Variants in TNFAIP6 observed in about 807,000 individuals in gnomAD.
TNFAIP6 encodes TNF alpha induced protein 6.
A neutral mutation model predicts 33.7 loss-of-function variants in TNFAIP6; 36 were observed. The ratio of observed to expected loss-of-function variants is 1.07; its 90% confidence interval spans 0.82 to 1.41. The LOEUF (loss-of-function observed/expected upper bound fraction) is 1.41. TNFAIP6 is among the 40% of genes most tolerant of loss of function. The pLI is 0.00. For synonymous variants in TNFAIP6, 113 were observed against 112.8 expected (o/e 1.00, Z -0.01); for missense variants, 273 against 331.9 (o/e 0.82, Z 1.38).
intron 3 of TNFAIP6, among the ~76,000 whole-genome samples, chr2:151,369,716 A>G (rs1684778588): frequency 6.6e-6 from 1 of 152,190 alleles, no homozygotes; most frequent in Non-Finnish European, 1.5e-5. Flanking sequence ...TCAAGGCTGC[A>G]ATAAGCTATG....
At chr2:151,377,500 TG>T (rs1264792506) in intron 5 of TNFAIP6, among the ~76,000 whole-genome samples, 4 of 145,402 alleles carry the variant, frequency 2.8e-5, no homozygotes, top group Admixed American at 1.4e-4. Flanking sequence ...TTTGTTTGTT[TG>T]TTTTTTAATA....
intron 2 of TNFAIP6, 89 bp from the exon 3 acceptor site, chr2:151,365,967 C>A (rs1684701290): frequency 7.8e-7 from 1 of 1,281,812 alleles, no homozygotes; most frequent in Admixed American, 1.9e-5. Flanking sequence ...AAGAAACTTA[C>A]TATTGGAAGT....
chr2:151,377,330 T>C (rs907042684), intron 5 of TNFAIP6, among the ~76,000 whole-genome samples: 4 of 151,964 alleles, frequency 2.6e-5, no homozygotes, highest in African/African-American at 7.3e-5. Context: ...CCACCACGCC[T>C]GGCTAATTTT....
intron 5 of TNFAIP6, among the ~76,000 whole-genome samples, chr2:151,378,424 C>T (rs192214139): frequency 1.3e-5 from 2 of 151,874 alleles, no homozygotes; most frequent in African/African-American, 4.8e-5. Flanking sequence ...ATCCACCCAT[C>T]GCTGGTTTGA....
At chr2:151,378,777 C>A (rs545391596) in intron 5 of TNFAIP6, among the ~76,000 whole-genome samples, 1 of 152,032 alleles carries the variant, frequency 6.6e-6, no homozygotes, top group Admixed American at 6.5e-5. Context: ...GCGTGACCCA[C>A]CAGGCCCAGC....
Position 151,357,712 on chromosome 2 carries a change from C to T in TNFAIP6, c.46C>T (p.Gln16Ter). The change falls in exon 1 of 6, where the codon CAA (glutamine) becomes TAA (stop). Residue 16 changes from glutamine (Q) to a stop codon, truncating the protein, a stop_gained. Transcript: ENST00000243347. LOFTEE classifies it high-confidence loss of function. ...ATTTCTCTTGCTATGGGAAGACACT[C>T]AAGGATGGGGATTCAAGGATGGAAT... ...YLFLLLWEDT[Q>*]GWGFKDGIFH... 6.2e-7 allele frequency: 1 copy of T among 1,612,868 alleles called. No homozygotes were observed. The highest frequency in any genetic ancestry group is 8.5e-7 in the Non-Finnish European group (1 of 1,178,980).
At chr2:151,368,970 A>T (rs550102082) in intron 3 of TNFAIP6, among the ~76,000 whole-genome samples, 12 of 152,348 alleles carry the variant, frequency 7.9e-5, no homozygotes, top group Admixed American at 6.5e-4. Flanking sequence ...AGGTGGGTCG[A>T]TCACCAGAGG....
chr2:151,377,201 G>A (rs1041493566), intron 5 of TNFAIP6, among the ~76,000 whole-genome samples: 14 of 148,896 alleles, frequency 9.4e-5, no homozygotes, highest in African/African-American at 2.8e-4. Flanking sequence ...AGTGAGTCTC[G>A]CTCTGTCGCC....
chr2:151,372,305 T>C (rs958026449), intron 4 of TNFAIP6: 5 of 152,198 alleles, frequency 3.3e-5, no homozygotes, highest in African/African-American at 1.2e-4. Flanking sequence ...AATAAACTAC[T>C]GTCTTTAGGA....
intron 5 of TNFAIP6, among the ~76,000 whole-genome samples, chr2:151,377,659 T>C (rs1684939029): frequency 6.6e-6 from 1 of 152,228 alleles, no homozygotes; most frequent in African/African-American, 2.4e-5. Context: ...AAATGTCTAT[T>C]AGCCCTTTGA....
intron 3 of TNFAIP6, chr2:151,368,548 T>C (rs1684756532): frequency 6.6e-6 from 1 of 151,836 alleles, no homozygotes; most frequent in African/African-American, 2.4e-5. Flanking sequence ...TATGTGTTTG[T>C]TTTTCTTATG....
At position 151,373,592 on chromosome 2, in the gene TNFAIP6, A is replaced by T; in HGVS notation, c.664+3A>T. The stretch of plus-strand genomic sequence containing the variant: ...TCCAGATGACATCATCAGTACAGGT[A>T]AGGTTTTAAATTGAGGACCAAAACT... On this transcript the variant is annotated splice_donor_region_variant and intron_variant, in intron 5 of 5. Coordinates refer to ENST00000243347, the MANE Select transcript of TNFAIP6 (RefSeq NM_007115.4). 1 of 1,531,580 alleles carries T rather than the reference A, an allele frequency of 6.5e-7. No individual in the cohort carries two copies. Among genetic ancestry groups the T allele is most frequent in the Non-Finnish European group, 8.8e-7 (1 of 1,132,002 alleles). The allele number at this position is 1,531,580 out of a possible 1,614,324, so 94.9% of individuals were successfully genotyped here.
intron 1 of TNFAIP6, among the ~76,000 whole-genome samples, chr2:151,359,215 G>C (rs992454800): frequency 6.6e-6 from 1 of 152,034 alleles, no homozygotes; most frequent in Admixed American, 6.5e-5. Flanking sequence ...GTTTATAGTT[G>C]GTTGGATCAA....
In TNFAIP6 at chr2:151,370,147, C is replaced by A. The variant is rs1573783283; in HGVS notation, c.522C>A (p.His174Gln). 1.2e-6 allele frequency: 2 copies of A among 1,614,064 alleles called. No individual in the cohort carries two copies. Among genetic ancestry groups the A allele is most frequent in the Non-Finnish European group, 1.7e-6 (2 of 1,179,978 alleles). ...HIRLKYGQRIHLSFLDFDLED... is the reference protein window; with the variant it reads ...HIRLKYGQRIQLSFLDFDLED... ...GACTCAAGTATGGTCAGCGTATTCA[C>A]CTGAGTTTTTTAGATTTTGACCTTG... Residue 174 changes from histidine to glutamine, a missense_variant, in exon 4 of 6, where the codon CAC becomes CAA. His to Gln is a conservative substitution (Grantham distance 24, BLOSUM62 0). Coordinates refer to ENST00000243347, the MANE Select transcript of TNFAIP6 (RefSeq NM_007115.4).
intron 1 of TNFAIP6, among the ~76,000 whole-genome samples, chr2:151,359,491 C>T (rs1684588878): frequency 6.6e-6 from 1 of 151,588 alleles, no homozygotes; most frequent in Admixed American, 6.6e-5. Flanking sequence ...CAGGTTCACG[C>T]CATTCTCCTG....
intron 1 of TNFAIP6, among the ~76,000 whole-genome samples, chr2:151,361,664 G>A (rs1317088022): frequency 6.6e-6 from 1 of 152,160 alleles, no homozygotes; most frequent in African/African-American, 2.4e-5. Flanking sequence ...ATTCACTAGT[G>A]TCCAAGTTCC....
chr2:151,373,672 A>G (rs1342654552), intron 5 of TNFAIP6, 83 bp downstream of exon 5: 1 of 693,320 alleles, frequency 1.4e-6, no homozygotes, highest in Non-Finnish European at 2.3e-6. Context: ...TTAAATAGTA[A>G]ATAGTAGTTA....
intron 3 of TNFAIP6, among the ~76,000 whole-genome samples, chr2:151,366,518 T>G (rs16829997): frequency 1.2e-3 from 186 of 152,274 alleles, no homozygotes; most frequent in African/African-American, 4.3e-3. Context: ...CAATAATGAT[T>G]AGGCAGATGG....
At chr2:151,362,064 C>G (rs1459775758) in intron 1 of TNFAIP6, among the ~76,000 whole-genome samples, 1 of 152,194 alleles carries the variant, frequency 6.6e-6, no homozygotes, top group Non-Finnish European at 1.5e-5. Context: ...TATGTCCTCA[C>G]TGCAAATGGT....
Sources: gnomAD v4.1 joint callset for allele counts (sites outside exome capture counted in the v4.1 genomes callset) on GRCh38, gnomAD v4.1.1 for gene constraint, MANE v1.5 for transcripts, NCBI Gene and HGNC (gene_info 2026-07-23, HGNC 2026-07-21) for gene names.